The following LIMCH1 variants were observed in gnomAD, a reference collection of about 807,000 sequenced individuals.
LIMCH1 encodes LIM and calponin homology domains 1.
Under a neutral mutation model 176.5 loss-of-function variants are expected in LIMCH1, and 113 were observed. That is an observed-to-expected ratio of 0.64 (90% CI 0.55 to 0.75). LIMCH1 has a LOEUF of 0.75. Among genes scored for constraint, LIMCH1 ranks in the 30% least tolerant of loss-of-function variants. The pLI, the probability that LIMCH1 is intolerant of heterozygous loss-of-function variation, is 0.00. For missense variants in LIMCH1, 1,674 were observed against 1,814.9 expected (o/e 0.92, Z 1.41); for synonymous variants, 619 against 645.9 (o/e 0.96, Z 0.63).
intron 2 of LIMCH1, among the ~76,000 whole-genome samples, chr4:41,502,312 T>C (rs1355432726): frequency 1.3e-5 from 2 of 152,226 alleles, no homozygotes; most frequent in South Asian, 4.1e-4. Flanking sequence ...AGTCTATCAC[T>C]GATGGGCATT....
In LIMCH1 at chr4:41,646,437, G is replaced by A. The variant is rs775353157; in HGVS notation, c.2412-48G>A. The A allele has an allele frequency of 4.7e-5, 74 of 1,584,286 alleles. No homozygotes were observed. The South Asian group carries it at 8.4e-4, about 18-fold the overall frequency. ...CTTCGTTTCTACCAAGGTCTTCTTT[G>A]CAATTTTCATTAGTTGACTTTGTTA... On this transcript the variant is annotated intron_variant, in intron 16 of 31. Transcript: ENST00000503057.
chr4:41,416,268 T>C (rs2059928513), intron 1 of LIMCH1, among the ~76,000 whole-genome samples: 1 of 152,114 alleles, frequency 6.6e-6, no homozygotes, highest in Admixed American at 6.5e-5. Flanking sequence ...TGCCAGGCAA[T>C]AGAAGATTTT....
chr4:41,446,325 CCT>C (rs1381121842), intron 1 of LIMCH1, among the ~76,000 whole-genome samples: 1 of 152,136 alleles, frequency 6.6e-6, no homozygotes, highest in Non-Finnish European at 1.5e-5. Flanking sequence ...AGTTTTGAAA[CCT>C]CTGAGTCTAT....
chr4:41,542,622 T>C (rs1335863216), intron 1 of LIMCH1, among the ~76,000 whole-genome samples: 1 of 152,184 alleles, frequency 6.6e-6, no homozygotes, highest in Non-Finnish European at 1.5e-5. Flanking sequence ...TTCCTGAAGT[T>C]GACCCATTTT....
chr4:41,388,199 C>A (rs1179096253), intron 1 of LIMCH1, among the ~76,000 whole-genome samples: 1 of 152,196 alleles, frequency 6.6e-6, no homozygotes, highest in Non-Finnish European at 1.5e-5. Context: ...ATAACTTGCT[C>A]ATGAATGTTC....
intron 1 of LIMCH1, among the ~76,000 whole-genome samples, chr4:41,493,825 C>T (rs1420553665): frequency 1.3e-5 from 2 of 152,240 alleles, no homozygotes; most frequent in African/African-American, 4.8e-5. Flanking sequence ...GCTATCAATC[C>T]TGTGCTGTCA....
At chr4:41,663,945 G>T (rs1406555617) in intron 20 of LIMCH1, among the ~76,000 whole-genome samples, 1 of 151,784 alleles carries the variant, frequency 6.6e-6, no homozygotes, top group South Asian at 2.1e-4. Flanking sequence ...GGAGGCTTAG[G>T]TGGGAGGATC....
intron 2 of LIMCH1, among the ~76,000 whole-genome samples, chr4:41,502,879 G>C (rs1392051987): frequency 1.3e-5 from 2 of 149,574 alleles, no homozygotes; most frequent in Non-Finnish European, 3.0e-5. Flanking sequence ...GGATGTGATT[G>C]GTTTATGTGA....
intron 1 of LIMCH1, among the ~76,000 whole-genome samples, chr4:41,387,168 A>G (rs28656213): frequency 0.026 from 3,919 of 152,304 alleles, 180 homozygotes; most frequent in African/African-American, 0.089. Context: ...CATTTGTCTT[A>G]TTAGAAATGA....
Position 41,538,310 on chromosome 4 carries a change from G to A in LIMCH1, c.-281G>A. 10 of 985,416 alleles carry A rather than the reference G, an allele frequency of 1.0e-5. No individual in the cohort carries two copies. The highest frequency in any genetic ancestry group is 1.2e-5 in the Non-Finnish European group (10 of 829,950). 61.0% of individuals were successfully genotyped at this position (985,416 alleles called of 1,614,324 possible). ...GATGCCCCTCCCATCTCCCAGAGTG[G>A]GTTGGCTGGAGTTCATTGCGGAGCA... is the stretch of plus-strand genomic sequence containing the variant. On this transcript the variant is annotated 5_prime_UTR_variant, in exon 1 of 32. Coordinates refer to ENST00000503057, the MANE Select transcript of LIMCH1 (RefSeq NM_001330672.2).
At chr4:41,431,927 C>T (rs2061636958) in intron 1 of LIMCH1, among the ~76,000 whole-genome samples, 2 of 152,176 alleles carry the variant, frequency 1.3e-5, no homozygotes, top group Admixed American at 1.3e-4. Context: ...AATAATGATT[C>T]TGTGCCTAGT....
At chr4:41,670,809 G>T (rs764157940) in intron 21 of LIMCH1, 2 of 1,535,548 alleles carry the variant, frequency 1.3e-6, no homozygotes, top group South Asian at 2.4e-5. Context: ...TGCATACTGG[G>T]TAGCTGTATT....
chr4:41,692,668 G>A lies in LIMCH1; in HGVS notation c.4378+284G>A, dbSNP rs546969222. The A allele has an allele frequency of 1.3e-4, 40 of 297,184 alleles. 1 individual carries two copies. Among genetic ancestry groups the A allele is most frequent in the African/African-American group, 8.7e-4 (40 of 46,096 alleles). The allele number at this position is 297,184 out of a possible 1,614,324, so 18.4% of individuals were successfully genotyped here. Reference sequence around the variant, plus strand: ...TACAGAGATTTTGGTGTGATAGAAAGGAGATATAAGGTCTGTCAAACACTG... The same window carrying A: ...TACAGAGATTTTGGTGTGATAGAAAAGAGATATAAGGTCTGTCAAACACTG... On this transcript the variant is annotated intron_variant, in intron 31 of 31. Transcript: ENST00000503057.
At chr4:41,593,559 T>C (rs2088078193) in intron 1 of LIMCH1, among the ~76,000 whole-genome samples, 1 of 152,186 alleles carries the variant, frequency 6.6e-6, no homozygotes, top group Non-Finnish European at 1.5e-5. Context: ...TTTTAGAAAG[T>C]CAAGAACCTT....
intron 4 of LIMCH1, among the ~76,000 whole-genome samples, chr4:41,608,146 A>G (rs1195518058): frequency 1.3e-5 from 2 of 152,236 alleles, no homozygotes; most frequent in Non-Finnish European, 2.9e-5. Context: ...TTTTTGTACC[A>G]ACAACCTCAA....
chr4:41,692,692 T>C (rs979048979), intron 31 of LIMCH1: 7 of 242,176 alleles, frequency 2.9e-5, no homozygotes, highest in Non-Finnish European at 4.0e-5. Flanking sequence ...TGTCAAACAC[T>C]GTCACTTGTT....
At chr4:41,378,678 ATGGCAAC>A (rs1435522056) in intron 1 of LIMCH1, among the ~76,000 whole-genome samples, 1 of 152,302 alleles carries the variant, frequency 6.6e-6, no homozygotes, top group Admixed American at 6.5e-5. Context: ...AGAGGTGATG[ATGGCAAC>A]ATCAGTGGGA....
chr4:41,493,511 A>C (rs2071477377), intron 1 of LIMCH1, among the ~76,000 whole-genome samples: 1 of 152,032 alleles, frequency 6.6e-6, no homozygotes, highest in African/African-American at 2.4e-5. Context: ...CAGTGTAACA[A>C]CTGTTTATAT....
chr4:41,571,632 G>C (rs978604548), intron 1 of LIMCH1, among the ~76,000 whole-genome samples: 4 of 152,152 alleles, frequency 2.6e-5, no homozygotes, highest in African/African-American at 9.7e-5. Context: ...TGATCAACAG[G>C]TTAAAAGTTT....
Sources: allele counts gnomAD v4.1 joint callset (sites outside exome capture counted in the v4.1 genomes callset), GRCh38; gene constraint gnomAD v4.1.1; transcripts MANE v1.5; gene names NCBI Gene and HGNC (gene_info 2026-07-23, HGNC 2026-07-21).